FSD1L: variants seen among roughly 807,000 people sequenced by gnomAD.
FSD1L encodes the protein FSD1-like protein.
In FSD1L, 45 loss-of-function variants were observed where a neutral mutation model predicts 71.6. That is an observed-to-expected ratio of 0.63 (90% CI 0.49 to 0.81). The LOEUF (loss-of-function observed/expected upper bound fraction) is 0.81. FSD1L is among the 30% of genes least tolerant of loss of function. The pLI is 0.00. For synonymous variants in FSD1L, 197 were observed against 207.2 expected, an observed-to-expected ratio of 0.95 and a Z score of 0.42; for missense variants, 561 against 618.1, an observed-to-expected ratio of 0.91 and a Z score of 0.98.
In FSD1L at chr9:105,452,657, G is replaced by GCCTT. The variant is rs1316467278; in HGVS notation, c.15+4425_15+4426insTCCT. Among the ~76,000 whole-genome samples the GCCTT allele has an allele frequency of 5.4e-3, 689 of 128,314 alleles. 8 individuals are homozygous for GCCTT. Among genetic ancestry groups the GCCTT allele is most frequent in the Non-Finnish European group, 6.6e-3 (397 of 60,074 alleles). The allele number at this position is 128,314 out of a possible 152,430, so 84.2% of individuals were successfully genotyped here. A position where few individuals can be genotyped will look rare whatever the true frequency, so the allele number is the denominator to read the frequency against. ...TGCCTGCCTGCCTGCCTGCCTGCCT[G>GCCTT]CCTGCCTGCCTGCCTTCCTTCCTTC... is the stretch of plus-strand genomic sequence containing the variant. On this transcript the variant is annotated intron_variant, in intron 1 of 13. Transcript: ENST00000481272.
intron 6 of FSD1L, among the ~76,000 whole-genome samples, chr9:105,484,152 T>C (rs1832383197): frequency 6.6e-6 from 1 of 152,154 alleles, no homozygotes; most frequent in African/African-American, 2.4e-5. Context: ...AAAAATTGGC[T>C]GGGAGGAAAG....
At chr9:105,528,293 T>G (rs113541560) in intron 10 of FSD1L, among the ~76,000 whole-genome samples, 2,765 of 152,270 alleles carry the variant, frequency 0.018, 74 homozygotes, top group African/African-American at 0.063. Flanking sequence ...AAAGCTACTT[T>G]AAACTTCATA....
chr9:105,460,395 G>C (rs528615097), intron 1 of FSD1L, among the ~76,000 whole-genome samples: 53 of 152,122 alleles, frequency 3.5e-4, no homozygotes, highest in African/African-American at 1.2e-3. Flanking sequence ...TTCGAGACCA[G>C]CCTGGCCAGC....
At chr9:105,490,552 T>C (rs1832859472) in intron 7 of FSD1L, among the ~76,000 whole-genome samples, 1 of 149,656 alleles carries the variant, frequency 6.7e-6, no homozygotes. Context: ...GCCATTGCTT[T>C]TGGTGTTTTA....
Position 105,448,213 on chromosome 9 carries a change from C to T in FSD1L, c.-8C>T. The T allele has an allele frequency of 1.9e-6, 3 of 1,540,200 alleles. No individual in the cohort carries two copies. Among genetic ancestry groups the T allele is most frequent in the Non-Finnish European group, 2.6e-6 (3 of 1,141,390 alleles). ...CGGGTTCGAGCCCAGTGGGCTTAGC[C>T]ACTCGCCATGGACTCCCAGAAAGTA... On this transcript the variant is annotated 5_prime_UTR_variant, in exon 1 of 14. Transcript: ENST00000481272.
chr9:105,449,778 T>TGAGGAATTAGGACATG (rs11272703), intron 1 of FSD1L, among the ~76,000 whole-genome samples: 13 of 151,878 alleles, frequency 8.6e-5, no homozygotes, highest in African/African-American at 3.1e-4. Flanking sequence ...CTTACTTTAA[T>TGAGGAATTAGGACATG]GAGTTGTGAC....
chr9:105,476,007 A>G (rs1208474590), intron 5 of FSD1L, among the ~76,000 whole-genome samples: 1 of 152,192 alleles, frequency 6.6e-6, no homozygotes, highest in African/African-American at 2.4e-5. Flanking sequence ...AAATGATGAT[A>G]TTAAAAAAAG....
intron 8 of FSD1L, 135 bp from the exon 9 acceptor site, chr9:105,508,482 A>G (rs1834199754): frequency 1.7e-6 from 1 of 587,488 alleles, no homozygotes; most frequent in Non-Finnish European, 3.1e-6. Flanking sequence ...TGGCCCACAT[A>G]CCACTCTTTT....
chr9:105,523,110 G>C, intron 10 of FSD1L: 1 of 1,614,074 alleles, frequency 6.2e-7, no homozygotes, highest in Non-Finnish European at 8.5e-7. Flanking sequence ...GAGTGCTGAA[G>C]AGCAGGAAGT....
intron 10 of FSD1L, chr9:105,521,355 T>G: frequency 6.2e-7 from 1 of 1,614,120 alleles, no homozygotes; most frequent in South Asian, 1.1e-5. Flanking sequence ...ACAGTCTCAT[T>G]CCAATACAAG....
chr9:105,458,111 C>T lies in FSD1L; in HGVS notation c.16-3409C>T, dbSNP rs907419186. Among the ~76,000 whole-genome samples the T allele has an allele frequency of 5.9e-5, 9 of 152,240 alleles. No homozygotes were observed. The South Asian group carries it at 6.2e-4, about 11-fold the overall frequency. ...TCAGTCCTGCCACCTTGCTTGGGCCCGTGGCTCCCAGGCTGGCCCAATCCC... is the reference window on the plus strand; with the variant it reads ...TCAGTCCTGCCACCTTGCTTGGGCCTGTGGCTCCCAGGCTGGCCCAATCCC... On this transcript the variant is annotated intron_variant, in intron 1 of 13. Transcript: ENST00000481272.
Position 105,539,278 on chromosome 9 carries a change from A to G in FSD1L, c.1394A>G (p.Tyr465Cys), listed in dbSNP as rs1249266742. 2.7e-6 allele frequency: 4 copies of G among 1,476,304 alleles called. No homozygotes were observed. The highest frequency in any genetic ancestry group is 2.4e-5 in the Admixed American group (1 of 42,462). The allele number at this position is 1,476,304 out of a possible 1,614,324, so 91.5% of individuals were successfully genotyped here. A position where few individuals can be genotyped will look rare whatever the true frequency, so the allele number is the denominator to read the frequency against. ...CDFDGGQLSF[Y>C]DANSKQLLYS... ...TCTTTTTTAGGTCAACTTTCATTCT[A>G]TGATGCAAATTCTAAACAGTTGCTA... The change falls in exon 13 of 14, where the codon TAT becomes TGT. Residue 465 changes from tyrosine (Y) to cysteine (C), a missense_variant. Coordinates refer to ENST00000481272, the MANE Select transcript of FSD1L (RefSeq NM_001145313.3).
chr9:105,484,532 G>A (rs1201554294), intron 7 of FSD1L, 30 bp downstream of exon 7: 6 of 1,380,556 alleles, frequency 4.3e-6, no homozygotes, highest in Non-Finnish European at 5.7e-6. Flanking sequence ...GTAAAGTTTT[G>A]TATAAAACTT....
Position 105,551,500 on chromosome 9 carries a change from A to C in FSD1L, c.*5017A>C, listed in dbSNP as rs1378334745. ...TATGTGAAATTGCTTCAGCAACAGC[A>C]AAGTGCTACGTAAATGTAAAGTGTT... is the stretch of plus-strand genomic sequence containing the variant. On this transcript the variant is annotated 3_prime_UTR_variant, in exon 14 of 14. Transcript: ENST00000481272. 1 of 152,144 alleles carries C rather than the reference A, an allele frequency of 6.6e-6. No individual in the cohort carries two copies. Among genetic ancestry groups the C allele is most frequent in the East Asian group, 1.9e-4 (1 of 5,192 alleles). The allele number at this position is 152,144 out of a possible 1,614,324, so 9.4% of individuals were successfully genotyped here. A position where few individuals can be genotyped will look rare whatever the true frequency, so the allele number is the denominator to read the frequency against.
chr9:105,495,941 C>G (rs916522457), intron 7 of FSD1L, among the ~76,000 whole-genome samples: 4 of 149,734 alleles, frequency 2.7e-5, no homozygotes, highest in Non-Finnish European at 5.9e-5. Context: ...CACTGCACTG[C>G]AGCCTGGCAG....
rs1298323388 is a variant in FSD1L, at chr9:105,521,733, C to T, written c.1025+8797C>T. 18 of 1,613,140 alleles carry T rather than the reference C, an allele frequency of 1.1e-5. 1 individual carries two copies. Among genetic ancestry groups the T allele is most frequent in the South Asian group, 7.7e-5 (7 of 91,040 alleles). On this transcript the variant is annotated intron_variant, in intron 10 of 13. Transcript: ENST00000481272. Reference sequence around the variant, plus strand: ...TGGGACCAATACTGCTGATCATGTTCGAAATTCCAGTTGGGCAAAAAACGG... The same window carrying T: ...TGGGACCAATACTGCTGATCATGTTTGAAATTCCAGTTGGGCAAAAAACGG...
In FSD1L at chr9:105,546,372, ACTTT is replaced by A. The variant is rs770837061; in HGVS notation, c.1487_1490del (p.Ser496Ter). 1.3e-6 allele frequency: 2 copies of A among 1,546,902 alleles called. No individual in the cohort carries two copies. The highest frequency in any genetic ancestry group is 2.4e-5 in the East Asian group (1 of 40,864). The stretch of plus-strand genomic sequence containing the variant: ...TCTTTTCTTAGGTATGGTGTGGTGG[ACTTT>A]CTTTGAGTACTGGGATGCAGGTTCC... On this transcript the variant is annotated frameshift_variant, in exon 14 of 14. Coordinates refer to ENST00000481272, the MANE Select transcript of FSD1L (RefSeq NM_001145313.3). LOFTEE classifies it high-confidence loss of function.
At chr9:105,458,022 A>AC (rs2131589626) in intron 1 of FSD1L, among the ~76,000 whole-genome samples, 1 of 152,070 alleles carries the variant, frequency 6.6e-6, no homozygotes, top group East Asian at 1.9e-4. Context: ...GGGGTGCTAC[A>AC]CCTCTCTTGT....
intron 9 of FSD1L, among the ~76,000 whole-genome samples, chr9:105,511,697 G>C (rs1415822617): frequency 6.6e-6 from 1 of 152,044 alleles, no homozygotes; most frequent in Non-Finnish European, 1.5e-5. Flanking sequence ...ATGAACAATA[G>C]CTCCAATGCA....
Sources: allele counts gnomAD v4.1 joint callset (sites outside exome capture counted in the v4.1 genomes callset), GRCh38; gene constraint gnomAD v4.1.1; transcripts MANE v1.5; gene names NCBI Gene and HGNC (gene_info 2026-07-23, HGNC 2026-07-21).